The following ITPKB variants were observed in gnomAD, a reference collection of about 807,000 sequenced individuals.
The protein encoded by ITPKB is IP3 3-kinase B.
Under a neutral mutation model 69.4 loss-of-function variants are expected in ITPKB, and 13 were observed. The ratio of observed to expected loss-of-function variants is 0.19; its 90% CI spans 0.12 to 0.30. ITPKB has a LOEUF of 0.30. Among genes scored for constraint, ITPKB ranks in the 10% least tolerant of loss-of-function variants. ITPKB has a pLI of 1.00. For missense variants in ITPKB, 1,240 were observed against 1,250.5 expected, an observed-to-expected ratio of 0.99 and a Z score of 0.13; for synonymous variants, 584 against 513.7, an observed-to-expected ratio of 1.14 and a Z score of -1.85.
At chr1:226,727,941 A>C (rs1657473010) in intron 2 of ITPKB, among the ~76,000 whole-genome samples, 1 of 152,092 alleles carries the variant, frequency 6.6e-6, no homozygotes, top group Admixed American at 6.6e-5. Context: ...TTCCCTTTCC[A>C]CCCAGAATCT....
At chr1:226,656,003 C>A (rs147887700) in intron 2 of ITPKB, among the ~76,000 whole-genome samples, 16 of 152,336 alleles carry the variant, frequency 1.1e-4, no homozygotes, top group Admixed American at 2.6e-4. Context: ...CCTGTCCCCA[C>A]GCCACCTTAG....
intron 2 of ITPKB, among the ~76,000 whole-genome samples, chr1:226,655,383 C>T (rs140770756): frequency 7.9e-5 from 12 of 152,152 alleles, no homozygotes; most frequent in African/African-American, 2.9e-4. Context: ...GAAATGGCCC[C>T]CGTTAGGAGA....
rs990498340 is a variant in ITPKB, at chr1:226,737,311, G to A, written c.148C>T (p.Pro50Ser). 5.1e-6 allele frequency: 8 copies of A among 1,583,794 alleles called. No individual in the cohort carries two copies. Among genetic ancestry groups the A allele is most frequent in the Admixed American group, 3.5e-5 (2 of 56,900 alleles). The change falls in exon 2 of 8, where the codon CCC becomes TCC. Residue 50 changes from proline (P) to serine (S), a missense_variant. Physicochemically the swap from Pro to Ser is moderately conservative, Grantham distance 74 (BLOSUM62 -1). Coordinates refer to ENST00000429204, the MANE Select transcript of ITPKB (RefSeq NM_002221.4). The stretch of plus-strand genomic sequence containing the variant: ...AAGAGGAAAGAGGCGCCTCTCCCGG[G>A]GCTGAAAACGCTGCCGGGGCTCAGC... ...AVLSPGSVFSPGRGASFLFPP... is the reference protein window; with the variant it reads ...AVLSPGSVFSSGRGASFLFPP...
chr1:226,638,621 G>C (rs1571833590), intron 6 of ITPKB, among the ~76,000 whole-genome samples: 1 of 152,238 alleles, frequency 6.6e-6, no homozygotes, highest in South Asian at 2.1e-4. Context: ...TGTGGGCAGA[G>C]CATCTATCCA....
At chr1:226,678,683 C>T (rs923389840) in intron 2 of ITPKB, among the ~76,000 whole-genome samples, 3 of 152,090 alleles carry the variant, frequency 2.0e-5, no homozygotes, top group African/African-American at 7.2e-5. Context: ...TCAGTCCTGG[C>T]CAGAGAGAAA....
At chr1:226,655,847 A>G (rs1309240978) in intron 2 of ITPKB, among the ~76,000 whole-genome samples, 1 of 152,224 alleles carries the variant, frequency 6.6e-6, no homozygotes, top group Admixed American at 6.5e-5. Context: ...CGCTGGGGGC[A>G]GACACTTGTA....
rs1464282561 is a variant in ITPKB at position 226,737,644 on chromosome 1, C to T, written c.-186G>A. 2 of 1,099,402 alleles carry T rather than the reference C, an allele frequency of 1.8e-6. No homozygotes were observed. The highest frequency in any genetic ancestry group is 5.0e-5 in the Admixed American group (1 of 20,184). 68.1% of individuals were successfully genotyped at this position (1,099,402 alleles called of 1,614,324 possible). ...CCGCGGGCTCAGCCCCCGCCCAAAG[C>T]TCCATAAACAACCGTGCGGCTGTGG... On this transcript the variant is annotated 5_prime_UTR_variant, in exon 2 of 8. Coordinates refer to ENST00000429204, the MANE Select transcript of ITPKB (RefSeq NM_002221.4).
Position 226,737,045 on chromosome 1 carries a change from C to A in ITPKB, c.414G>T (p.Leu138Phe). ...CTTTCTGGTTCACCTGCACGTTCTG[C>A]AACTCGCGCTGCAAGATCCGCAGCT... The part of the protein sequence containing the change: ...KRKLRILQRE[L>F]QNVQVNQKVG... Residue 138 changes from leucine (L) to phenylalanine (F), a missense_variant, in exon 2 of 8, where the codon TTG becomes TTT. Coordinates refer to ENST00000429204, the MANE Select transcript of ITPKB (RefSeq NM_002221.4). 6.2e-7 allele frequency: 1 copy of A among 1,612,274 alleles called. No individual in the cohort carries two copies. Among genetic ancestry groups the A allele is most frequent in the Non-Finnish European group, 8.5e-7 (1 of 1,179,944 alleles).
chr1:226,713,867 A>G (rs1479300534), intron 2 of ITPKB, among the ~76,000 whole-genome samples: 2 of 152,140 alleles, frequency 1.3e-5, no homozygotes, highest in African/African-American at 4.8e-5. Flanking sequence ...ATTGACTTCA[A>G]TCAGTTCTAT....
intron 6 of ITPKB, 109 bp downstream of exon 6, chr1:226,639,448 T>G (rs1385940820): frequency 1.3e-6 from 1 of 759,006 alleles, no homozygotes; most frequent in African/African-American, 1.7e-5. Flanking sequence ...CGGGCTGGGG[T>G]GTGCTGTCCC....
intron 2 of ITPKB, among the ~76,000 whole-genome samples, chr1:226,650,209 TTC>T (rs1669159542): frequency 6.6e-6 from 1 of 152,230 alleles, no homozygotes; most frequent in Non-Finnish European, 1.5e-5. Flanking sequence ...CCTTTGTTTT[TTC>T]TCTCTTTGCT....
intron 2 of ITPKB, among the ~76,000 whole-genome samples, chr1:226,729,407 G>A (rs1001491019): frequency 2.7e-5 from 4 of 150,410 alleles, no homozygotes; most frequent in South Asian, 2.1e-4. Context: ...GCTTGAATCC[G>A]GGAGGCAGAG....
At chr1:226,636,784 G>T (rs1558298427) in intron 7 of ITPKB, among the ~76,000 whole-genome samples, 1 of 149,390 alleles carries the variant, frequency 6.7e-6, no homozygotes, top group African/African-American at 2.5e-5. Flanking sequence ...GTGTGTGTGT[G>T]TGTGTGTGTG....
rs964706084 is a variant in ITPKB at position 226,634,951 on chromosome 1, G to A, written c.2626-65C>T. ...GGCCTCGCCCTCCCCACTGCGGCCC[G>A]GGGCCTGGGTGACCAGGTGGGGAGG... On this transcript the variant is annotated intron_variant, in intron 7 of 7. Transcript: ENST00000429204. The surrounding 1 kb of genome is among the most constrained non-coding windows in gnomAD (Gnocchi z 6.3). 26 of 1,317,970 alleles carry A rather than the reference G, an allele frequency of 2.0e-5. No individual in the cohort carries two copies. The East Asian group carries it at 3.4e-4, about 17-fold the overall frequency. 81.6% of individuals were successfully genotyped at this position (1,317,970 alleles called of 1,614,324 possible). A position where few individuals can be genotyped will look rare whatever the true frequency, so the allele number is the denominator to read the frequency against.
chr1:226,705,388 G>A (rs1477612869), intron 2 of ITPKB, among the ~76,000 whole-genome samples: 1 of 152,156 alleles, frequency 6.6e-6, no homozygotes, highest in African/African-American at 2.4e-5. Flanking sequence ...AATGAGCCGG[G>A]CGTGGTGACG....
In ITPKB at chr1:226,737,208, C is replaced by A. The variant is rs780740491; in HGVS notation, c.251G>T (p.Ser84Ile). Residue 84 changes from serine (S) to isoleucine (I), a missense_variant, in exon 2 of 8, where the codon AGT becomes ATT. Ser to Ile is a moderately radical substitution (Grantham distance 142). Transcript: ENST00000429204. Reference protein sequence around the residue: ...GWRSGRRRLNSSSGSGSGSSG... With the variant: ...GWRSGRRRLNISSGSGSGSSG... Reference sequence around the variant, plus strand: ...GCTGCCGCTGCCACTGCCGCTGCTACTATTCAGCCTGCGCCGGCCGCTCCG... The same window carrying A: ...GCTGCCGCTGCCACTGCCGCTGCTAATATTCAGCCTGCGCCGGCCGCTCCG... The A allele has an allele frequency of 6.3e-7, 1 of 1,580,734 alleles. No individual in the cohort carries two copies. The highest frequency in any genetic ancestry group is 1.1e-5 in the South Asian group (1 of 89,712).
chr1:226,640,858 C>T (rs547991980), intron 5 of ITPKB, among the ~76,000 whole-genome samples: 23 of 152,334 alleles, frequency 1.5e-4, no homozygotes, highest in South Asian at 4.1e-4. Context: ...TCCCCACATG[C>T]CACCGTGGGC....
chr1:226,659,842 C>T (rs948070120), intron 2 of ITPKB, among the ~76,000 whole-genome samples: 1 of 152,150 alleles, frequency 6.6e-6, no homozygotes, highest in Admixed American at 6.5e-5. Context: ...TCCTAACCTT[C>T]TCTATGTCCC....
intron 2 of ITPKB, among the ~76,000 whole-genome samples, chr1:226,693,051 G>A (rs1177553382): frequency 6.6e-6 from 1 of 152,228 alleles, no homozygotes; most frequent in Non-Finnish European, 1.5e-5. Flanking sequence ...TGCTCAGGGA[G>A]CAAGGCAGGC....
Sources: allele counts gnomAD v4.1 joint callset (sites outside exome capture counted in the v4.1 genomes callset), GRCh38; gene constraint gnomAD v4.1.1; non-coding constraint Gnocchi (gnomAD v3.1); transcripts MANE v1.5; gene names NCBI Gene and HGNC (gene_info 2026-07-23, HGNC 2026-07-21).